Variants in AQR observed in about 807,000 individuals in gnomAD.
AQR encodes aquarius intron-binding spliceosomal factor, also known as RNA helicase aquarius.
A neutral mutation model predicts 180.5 loss-of-function variants in AQR; 61 were observed. The ratio of observed to expected loss-of-function variants is 0.34; its 90% CI spans 0.28 to 0.42. The LOEUF is 0.42. Ranked by LOEUF, AQR falls within the 10% of genes least tolerant of loss-of-function variation. The pLI, the probability that AQR is intolerant of heterozygous loss-of-function variation, is 1.00. For missense variants in AQR, 1,281 were observed against 1,798.3 expected, an observed-to-expected ratio of 0.71 and a Z score of 5.20; for synonymous variants, 551 against 588.8, an observed-to-expected ratio of 0.94 and a Z score of 0.93.
chr15:34,863,742 T>C (rs984918928), intron 32 of AQR, among the ~76,000 whole-genome samples: 2 of 152,222 alleles, frequency 1.3e-5, no homozygotes, highest in Non-Finnish European at 2.9e-5. Flanking sequence ...GATGTCATTT[T>C]TCTTTAATTT....
rs1385177503 is a variant in AQR, at chr15:34,952,792, AT to A, written c.209+92del. On this transcript the variant is annotated intron_variant, in intron 4 of 34. Transcript: ENST00000156471. ...GAAATATAAATCTTCACAAATTTAG[AT>A]TTTCTTAGTGACTCACAGAAATAAC... 12 of 865,282 alleles carry A rather than the reference AT, an allele frequency of 1.4e-5. No homozygotes were observed. The Middle Eastern group carries it at 7.2e-4, about 52-fold the overall frequency. 53.6% of individuals were successfully genotyped at this position (865,282 alleles called of 1,614,324 possible). A position where few individuals can be genotyped will look rare whatever the true frequency, so the allele number is the denominator to read the frequency against.
At position 34,871,758 on chromosome 15, in the gene AQR, G is replaced by A. The variant is rs543414983; in HGVS notation, c.3598-836C>T. ...TGTCACTTCTACTAGATCACTTTAG[G>A]TGGGATGAGGATGTGACCGCAAATT... On this transcript the variant is annotated intron_variant, in intron 30 of 34. Transcript: ENST00000156471. Among the ~76,000 whole-genome samples, 15 of 151,820 alleles carry A rather than the reference G, an allele frequency of 9.9e-5. No homozygotes were observed. The East Asian group carries it at 2.9e-3, about 29-fold the overall frequency.
At chr15:34,943,148 G>A (rs769135506) in intron 6 of AQR, 1 of 1,611,188 alleles carries the variant, frequency 6.2e-7, no homozygotes, top group Non-Finnish European at 8.5e-7. Context: ...CCCATAAAGT[G>A]ACACAGTACA....
chr15:34,862,835 G>A (rs754171496), intron 33 of AQR, 32 bp downstream of exon 33: 9 of 1,607,064 alleles, frequency 5.6e-6, no homozygotes, highest in Non-Finnish European at 8.5e-7. Flanking sequence ...TCTGAGGAAT[G>A]CTGTTTTATA....
At chr15:34,920,949 C>T (rs1456596589) in intron 13 of AQR, among the ~76,000 whole-genome samples, 4 of 152,052 alleles carry the variant, frequency 2.6e-5, no homozygotes, top group African/African-American at 9.7e-5. Context: ...CAAAGCGAGA[C>T]TCCGTCTCAA....
intron 20 of AQR, among the ~76,000 whole-genome samples, chr15:34,899,693 T>TATAC (rs1555424135): frequency 1.6e-4 from 24 of 151,758 alleles, no homozygotes; most frequent in African/African-American, 5.8e-4. Context: ...TATATATATA[T>TATAC]ACAGTTGAAA....
chr15:34,958,005 G>C (rs533650533), intron 3 of AQR, among the ~76,000 whole-genome samples: 8 of 151,696 alleles, frequency 5.3e-5, no homozygotes, highest in Non-Finnish European at 1.0e-4. Context: ...TCGGGAGATC[G>C]AGACCATCCT....
chr15:34,940,664 A>C (rs955284911), intron 8 of AQR, among the ~76,000 whole-genome samples: 1 of 152,242 alleles, frequency 6.6e-6, no homozygotes, highest in Non-Finnish European at 1.5e-5. Flanking sequence ...CAGTGGGTCA[A>C]CTATATATAC....
At position 34,870,761 on chromosome 15, in the gene AQR, T is replaced by C; in HGVS notation, c.3759A>G (p.Arg1253=). ...RRCGNNPLIG[R]PNKVTTVDRF... is the part of the protein sequence containing the mutation. The stretch of plus-strand genomic sequence containing the variant: ...ATAATTATAAAAGTACCTTGTTTGG[T>C]CTTCCAATCAATGGATTGTTTCCAC... Residue 1253 remains arginine (R), a synonymous_variant, in exon 31 of 35, where the codon AGA becomes AGG. Transcript: ENST00000156471. 1 of 1,610,786 alleles carries C rather than the reference T, an allele frequency of 6.2e-7. No individual in the cohort carries two copies. The highest frequency in any genetic ancestry group is 8.5e-7 in the Non-Finnish European group (1 of 1,178,612).
intron 27 of AQR, among the ~76,000 whole-genome samples, chr15:34,880,641 T>C (rs187865594): frequency 6.6e-6 from 1 of 152,242 alleles, no homozygotes; most frequent in African/African-American, 2.4e-5. Context: ...TGTTCATGTG[T>C]TAATAATGAT....
intron 13 of AQR, among the ~76,000 whole-genome samples, chr15:34,922,491 T>C (rs529718814): frequency 6.6e-6 from 1 of 152,172 alleles, no homozygotes; most frequent in Non-Finnish European, 1.5e-5. Context: ...CCAGCAATTA[T>C]GAGAATTCCA....
chr15:34,870,710 CAA>C, intron 31 of AQR, 40 bp downstream of exon 31: 1 of 1,552,336 alleles, frequency 6.4e-7, no homozygotes, highest in Non-Finnish European at 8.7e-7. Flanking sequence ...TCCATCTTGC[CAA>C]AATGATGAAT....
chr15:34,902,193 G>A (rs558310729), intron 19 of AQR, among the ~76,000 whole-genome samples: 3 of 152,228 alleles, frequency 2.0e-5, no homozygotes, highest in South Asian at 4.1e-4. Context: ...AATGTTCTGA[G>A]AGGGAGAGTA....
intron 8 of AQR, among the ~76,000 whole-genome samples, chr15:34,939,671 C>T (rs1371660540): frequency 1.3e-5 from 2 of 152,124 alleles, no homozygotes; most frequent in African/African-American, 2.4e-5. Context: ...GCTGGAAATA[C>T]AAAGAAGGGG....
At chr15:34,944,564 A>C (rs547506788) in intron 5 of AQR, 136 bp from the exon 6 acceptor site, 12 of 834,676 alleles carry the variant, frequency 1.4e-5, no homozygotes, top group Non-Finnish European at 1.9e-5. Flanking sequence ...TGTATAAAAG[A>C]AGCATCACGT....
chr15:34,897,765 CT>C (rs1258958682), intron 20 of AQR, 60 bp from the exon 21 acceptor site: 1 of 1,564,460 alleles, frequency 6.4e-7, no homozygotes, highest in Non-Finnish European at 8.8e-7. Context: ...GAGTACCTAT[CT>C]GGTGCATGAC....
intron 9 of AQR, among the ~76,000 whole-genome samples, chr15:34,937,409 T>C (rs1199767078): frequency 1.3e-5 from 2 of 152,234 alleles, no homozygotes; most frequent in African/African-American, 4.8e-5. Context: ...TATCAATTCC[T>C]CACTGAATCG....
intron 6 of AQR, among the ~76,000 whole-genome samples, chr15:34,942,346 C>T (rs1375749621): frequency 6.6e-6 from 1 of 152,212 alleles, no homozygotes; most frequent in Admixed American, 6.5e-5. Context: ...TCACAGTCAT[C>T]CAGATGGCCC....
intron 32 of AQR, among the ~76,000 whole-genome samples, chr15:34,863,456 C>T (rs1009550937): frequency 6.6e-6 from 1 of 152,112 alleles, no homozygotes; most frequent in Non-Finnish European, 1.5e-5. Context: ...ATAACTCTTA[C>T]CACACTGTTT....
Sources: allele counts gnomAD v4.1 joint callset (sites outside exome capture counted in the v4.1 genomes callset), GRCh38; gene constraint gnomAD v4.1.1; transcripts MANE v1.5; gene names NCBI Gene and HGNC (gene_info 2026-07-23, HGNC 2026-07-21).